PCDH15: variants seen among roughly 807,000 people sequenced by gnomAD.
PCDH15 encodes the protein protocadherin related 15.
In PCDH15, 129 loss-of-function variants were observed where a neutral mutation model predicts 178.5. That is an observed-to-expected ratio of 0.72 (90% confidence interval 0.63 to 0.84). The LOEUF is 0.84. Ranked by LOEUF, PCDH15 falls within the 40% of genes least tolerant of loss-of-function variation. The pLI, the probability that PCDH15 is intolerant of heterozygous loss-of-function variation, is 0.00. For missense variants in PCDH15, 2,230 were observed against 2,099.9 expected (o/e 1.06, Z -1.21); for synonymous variants, 800 against 732.0 (o/e 1.09, Z -1.50).
At chr10:54,333,584 T>A (rs1940350809) in intron 6 of PCDH15, among the ~76,000 whole-genome samples, 1 of 150,704 alleles carries the variant, frequency 6.6e-6, no homozygotes, top group Non-Finnish European at 1.5e-5. Flanking sequence ...AAAGCTAAAT[T>A]AAGCAAGGGA....
intron 2 of PCDH15, among the ~76,000 whole-genome samples, chr10:55,465,296 G>T (rs1839809167): frequency 6.6e-6 from 1 of 152,140 alleles, no homozygotes; most frequent in African/African-American, 2.4e-5. Flanking sequence ...AACTGGTTTT[G>T]AATAGGTTCC....
At chr10:54,079,889 C>T (rs1405625926) in intron 16 of PCDH15, among the ~76,000 whole-genome samples, 1 of 152,078 alleles carries the variant, frequency 6.6e-6, no homozygotes, top group African/African-American at 2.4e-5. Context: ...CTCTGACAAA[C>T]TCTATGGATA....
intron 2 of PCDH15, among the ~76,000 whole-genome samples, chr10:55,611,952 C>T (rs1174431095): frequency 6.6e-6 from 1 of 151,686 alleles, no homozygotes; most frequent in South Asian, 2.1e-4. Context: ...CTCACTTACA[C>T]GTGAAAAGTA....
chr10:55,246,485 A>G (rs1841681929), intron 1 of PCDH15, among the ~76,000 whole-genome samples: 1 of 152,244 alleles, frequency 6.6e-6, no homozygotes. Flanking sequence ...TGAATAATAT[A>G]ACAACAAAGC....
chr10:53,961,933 T>G (rs771702274), intron 21 of PCDH15, 41 bp from the exon 22 acceptor site: 1 of 1,506,800 alleles, frequency 6.6e-7, no homozygotes, highest in East Asian at 2.3e-5. Context: ...TGTTACCAAG[T>G]TAAAACACAG....
At chr10:55,442,022 A>AAT (rs1459406527) in intron 2 of PCDH15, among the ~76,000 whole-genome samples, 5 of 152,148 alleles carry the variant, frequency 3.3e-5, no homozygotes, top group African/African-American at 1.2e-4. Context: ...CTGTAGAGCA[A>AAT]CTAAAGGGCA....
At chr10:54,882,791 C>G (rs533849181) in intron 3 of PCDH15, among the ~76,000 whole-genome samples, 1 of 151,956 alleles carries the variant, frequency 6.6e-6, no homozygotes, top group East Asian at 1.9e-4. Flanking sequence ...ATATAGCAAC[C>G]CAAAGATCTC....
At chr10:54,385,594 A>G (rs573284118) in intron 3 of PCDH15, among the ~76,000 whole-genome samples, 2 of 152,296 alleles carry the variant, frequency 1.3e-5, no homozygotes, top group African/African-American at 4.8e-5. Flanking sequence ...GTAATTAACT[A>G]AAGAGTACTC....
At chr10:55,308,776 T>A (rs1391784643) in intron 1 of PCDH15, among the ~76,000 whole-genome samples, 2 of 152,116 alleles carry the variant, frequency 1.3e-5, no homozygotes, top group African/African-American at 4.8e-5. Context: ...CAGCAATCCT[T>A]CATTTAAGAG....
At chr10:54,399,195 C>T (rs990733304) in intron 3 of PCDH15, among the ~76,000 whole-genome samples, 1 of 151,948 alleles carries the variant, frequency 6.6e-6, no homozygotes, top group Non-Finnish European at 1.5e-5. Context: ...AACTATGCTA[C>T]CTACTCTCAG....
At chr10:54,559,703 G>GTGCA (rs1012993944) in intron 2 of PCDH15, among the ~76,000 whole-genome samples, 7 of 151,726 alleles carry the variant, frequency 4.6e-5, no homozygotes, top group African/African-American at 1.7e-4. Flanking sequence ...CACTTTACAT[G>GTGCA]TGCATACCTT....
chr10:54,256,191 A>G (rs938151391), intron 8 of PCDH15, among the ~76,000 whole-genome samples: 6 of 152,162 alleles, frequency 3.9e-5, no homozygotes, highest in African/African-American at 1.4e-4. Flanking sequence ...CCTACTGAAG[A>G]GAAGAAGTTG....
At chr10:55,210,769 C>T (rs980056019) in intron 1 of PCDH15, among the ~76,000 whole-genome samples, 2 of 151,204 alleles carry the variant, frequency 1.3e-5, no homozygotes, top group Non-Finnish European at 2.9e-5. Flanking sequence ...GCTGGGACTA[C>T]AGCCGCGCAC....
chr10:55,140,092 T>C lies in PCDH15; in HGVS notation c.-80+26484A>G, dbSNP rs141954251. ...TCATTTCTAGTACAGAGAAATGCAG[T>C]TGATTTTTTAAATGTTTATTTGGTC... On this transcript the variant is annotated intron_variant, in intron 2 of 5. Coordinates refer to the PCDH15 transcript ENST00000458638. Among the ~76,000 whole-genome samples the C allele has an allele frequency of 2.6e-5, 4 of 152,092 alleles. No individual in the cohort carries two copies. In the East Asian group the frequency reaches 7.7e-4, roughly 29 times the overall value.
intron 8 of PCDH15, among the ~76,000 whole-genome samples, chr10:54,298,329 A>C (rs916211018): frequency 2.6e-5 from 4 of 152,182 alleles, no homozygotes; most frequent in Non-Finnish European, 4.4e-5. Flanking sequence ...GGCATTATTA[A>C]ACCTGGCAAC....
chr10:54,488,270 T>C (rs781469762), intron 3 of PCDH15, among the ~76,000 whole-genome samples: 5 of 151,902 alleles, frequency 3.3e-5, no homozygotes, highest in Non-Finnish European at 5.9e-5. Context: ...TTTGAACTTA[T>C]ATTAAACCCA....
intron 2 of PCDH15, among the ~76,000 whole-genome samples, chr10:54,922,033 T>G (rs1040144521): frequency 2.0e-5 from 3 of 152,186 alleles, no homozygotes; most frequent in Non-Finnish European, 4.4e-5. Flanking sequence ...TAACCCATGA[T>G]TCAATTGCCT....
upstream of PCDH15, among the ~76,000 whole-genome samples, chr10:55,321,882 T>C (rs1270964468): frequency 6.6e-6 from 1 of 152,180 alleles, no homozygotes; most frequent in Non-Finnish European, 1.5e-5. Flanking sequence ...GGAAAACTAG[T>C]TACTAGCCAC....
At chr10:55,172,300 CTAAT>C (rs1839357721) in intron 1 of PCDH15, among the ~76,000 whole-genome samples, 1 of 151,632 alleles carries the variant, frequency 6.6e-6, no homozygotes, top group South Asian at 2.1e-4. Context: ...AAGTACTCCT[CTAAT>C]TAAAATATTG....
Sources: allele counts gnomAD v4.1 joint callset (sites outside exome capture counted in the v4.1 genomes callset), GRCh38; gene constraint gnomAD v4.1.1; transcripts MANE v1.5; gene names NCBI Gene and HGNC (gene_info 2026-07-23, HGNC 2026-07-21).